PTPRO: variants seen among roughly 807,000 people sequenced by gnomAD.
PTPRO encodes receptor-type tyrosine-protein phosphatase O.
PTPRO carries 62 observed loss-of-function variants against 145.2 expected under a neutral mutation model. That is an observed-to-expected ratio of 0.43 (90% CI 0.35 to 0.53). The LOEUF (loss-of-function observed/expected upper bound fraction) is 0.53, where lower values mean the gene tolerates loss of function less well. Ranked by LOEUF, PTPRO falls within the 20% of genes least tolerant of loss-of-function variation. The probability of loss-of-function intolerance (pLI) is 0.01; values close to 1 mark genes in which losing one functional copy is unlikely to be tolerated. For synonymous variants in PTPRO, 565 were observed against 514.7 expected (o/e 1.10, Z -1.32); for missense variants, 1,345 against 1,482.7 (o/e 0.91, Z 1.53).
At chr12:15,571,096 G>C (rs1414227426) in intron 19 of PTPRO, among the ~76,000 whole-genome samples, 1 of 152,164 alleles carries the variant, frequency 6.6e-6, no homozygotes, top group Non-Finnish European at 1.5e-5. Context: ...GCTAGACTAC[G>C]TGCAGGGAAG....
At chr12:15,423,120 G>C (rs757216860) in intron 1 of PTPRO, among the ~76,000 whole-genome samples, 5 of 152,162 alleles carry the variant, frequency 3.3e-5, no homozygotes, top group Non-Finnish European at 7.3e-5. Context: ...GAAGAAGTCA[G>C]GGCCAACTGG....
chr12:15,422,473 T>C (rs931040040), intron 1 of PTPRO, among the ~76,000 whole-genome samples: 1 of 152,148 alleles, frequency 6.6e-6, no homozygotes, highest in African/African-American at 2.4e-5. Flanking sequence ...ATGTTTTATA[T>C]AGTAGGTAGA....
rs531940149 is a variant in PTPRO, at chr12:15,480,853, G to A, written c.76-3121G>A. On this transcript the variant is annotated intron_variant, in intron 1 of 26. Coordinates refer to ENST00000281171, the MANE Select transcript of PTPRO (RefSeq NM_030667.3). ...TAGACATAAAAATAACTCATTCTGT[G>A]CCAATTCTGTCAAGTGTCAACTGCC... 2.0e-5 allele frequency among the ~76,000 whole-genome samples: 3 copies of A among 152,224 alleles called. No individual in the cohort carries two copies. In the East Asian group the frequency reaches 5.8e-4, roughly 29 times the overall value.
chr12:15,556,197 T>C (rs1943619778), intron 15 of PTPRO, among the ~76,000 whole-genome samples: 1 of 152,136 alleles, frequency 6.6e-6, no homozygotes, highest in Non-Finnish European at 1.5e-5. Context: ...ATCCCATATA[T>C]AGGAAATTGA....
At chr12:15,441,705 T>C (rs1159258566) in intron 1 of PTPRO, among the ~76,000 whole-genome samples, 1 of 152,036 alleles carries the variant, frequency 6.6e-6, no homozygotes, top group African/African-American at 2.4e-5. Context: ...CAGAAAATCC[T>C]TGGAGACCAT....
chr12:15,590,927 C>T (rs1256616871), intron 25 of PTPRO, among the ~76,000 whole-genome samples: 1 of 152,156 alleles, frequency 6.6e-6, no homozygotes, highest in Admixed American at 6.5e-5. Context: ...TTGGCTTTTA[C>T]TTCCATAAAT....
intron 1 of PTPRO, among the ~76,000 whole-genome samples, chr12:15,450,289 A>G (rs545129793): frequency 6.6e-6 from 1 of 152,192 alleles, no homozygotes; most frequent in South Asian, 2.1e-4. Context: ...TCTCCTGAAT[A>G]TTAAAGACCC....
At chr12:15,519,923 G>A (rs906439048) in intron 9 of PTPRO, among the ~76,000 whole-genome samples, 8 of 152,096 alleles carry the variant, frequency 5.3e-5, no homozygotes, top group South Asian at 2.1e-4. Context: ...GGACTGTTTC[G>A]CATGTGTAAT....
rs1475551119 is a variant in PTPRO, at chr12:15,437,343, G to A, written c.76-46631G>A. Reference sequence around the variant, plus strand: ...TCATGTGCAGAGATCTTTGTGCAGCGGGGCTCTCTCTGCTCCACACCCAAG... The same window carrying A: ...TCATGTGCAGAGATCTTTGTGCAGCAGGGCTCTCTCTGCTCCACACCCAAG... On this transcript the variant is annotated intron_variant, in intron 1 of 26. Transcript: ENST00000281171. Among the ~76,000 whole-genome samples, 5 of 151,634 alleles carry A rather than the reference G, an allele frequency of 3.3e-5. 1 individual carries two copies. Among genetic ancestry groups the A allele is most frequent in the Admixed American group, 6.6e-5 (1 of 15,252 alleles).
chr12:15,544,372 G>T (rs899323377), intron 12 of PTPRO, among the ~76,000 whole-genome samples: 2 of 151,802 alleles, frequency 1.3e-5, no homozygotes, highest in African/African-American at 4.8e-5. Flanking sequence ...GGGCATGGTG[G>T]CATGCGCCTG....
At chr12:15,431,167 A>G (rs915673890) in intron 1 of PTPRO, among the ~76,000 whole-genome samples, 6 of 152,240 alleles carry the variant, frequency 3.9e-5, no homozygotes, top group Admixed American at 3.9e-4. Flanking sequence ...GGATATTTCC[A>G]TCAGGGACAT....
At chr12:15,326,454 C>A (rs1866449729) in intron 1 of PTPRO, among the ~76,000 whole-genome samples, 1 of 152,160 alleles carries the variant, frequency 6.6e-6, no homozygotes, top group South Asian at 2.1e-4. Context: ...TTGTGAGAGA[C>A]TATCGTTGTG....
intron 3 of PTPRO, among the ~76,000 whole-genome samples, chr12:15,498,570 T>A (rs1333421078): frequency 6.6e-6 from 1 of 152,032 alleles, no homozygotes; most frequent in Non-Finnish European, 1.5e-5. Flanking sequence ...AATGAATGAA[T>A]GAATGAATGA....
Position 15,484,197 on chromosome 12 carries a change from T to C in PTPRO, c.299T>C (p.Val100Ala). Residue 100 changes from valine to alanine, a missense_variant, in exon 2 of 27, where the codon GTA becomes GCA. Val to Ala is a moderately conservative substitution (Grantham distance 64, BLOSUM62 0). Coordinates refer to ENST00000281171, the MANE Select transcript of PTPRO (RefSeq NM_030667.3). ...GLYYIITLVV[V>A]NGNVVTKPSR... The stretch of plus-strand genomic sequence containing the variant: ...TATTATATAATCACTCTGGTAGTGG[T>C]AAATGGAAATGTGGTGACCAAGCCA... The C allele has an allele frequency of 1.2e-6, 2 of 1,613,552 alleles. No individual in the cohort carries two copies. Among genetic ancestry groups the C allele is most frequent in the South Asian group, 1.1e-5 (1 of 91,068 alleles).
At chr12:15,484,599 C>A (rs779354659) in intron 2 of PTPRO, among the ~76,000 whole-genome samples, 2 of 152,002 alleles carry the variant, frequency 1.3e-5, no homozygotes, top group Non-Finnish European at 2.9e-5. Context: ...CATGTATTCT[C>A]ATATTAAGCA....
intron 1 of PTPRO, among the ~76,000 whole-genome samples, chr12:15,449,641 C>A (rs1404678765): frequency 6.6e-6 from 1 of 152,114 alleles, no homozygotes. Flanking sequence ...AAATTGCTTA[C>A]CTATAGTAAT....
intron 22 of PTPRO, among the ~76,000 whole-genome samples, 194 bp downstream of exon 22, chr12:15,581,025 A>C (rs1486390186): frequency 6.6e-6 from 1 of 152,236 alleles, no homozygotes; most frequent in Non-Finnish European, 1.5e-5. Context: ...GCAATGTCTA[A>C]AGGAAAAAAG....
chr12:15,378,366 C>A (rs1017243907), intron 1 of PTPRO, among the ~76,000 whole-genome samples: 1 of 151,830 alleles, frequency 6.6e-6, no homozygotes, highest in African/African-American at 2.4e-5. Context: ...AGTATATATT[C>A]TTAAAAGAAA....
intron 2 of PTPRO, among the ~76,000 whole-genome samples, chr12:15,489,300 C>T (rs1175062118): frequency 2.6e-5 from 4 of 152,022 alleles, no homozygotes; most frequent in Admixed American, 6.6e-5. Flanking sequence ...CGAGTGCACA[C>T]CGCAAAGCAA....
Sources: gnomAD v4.1 joint callset for allele counts (sites outside exome capture counted in the v4.1 genomes callset) on GRCh38, gnomAD v4.1.1 for gene constraint, MANE v1.5 for transcripts, NCBI Gene and HGNC (gene_info 2026-07-23, HGNC 2026-07-21) for gene names.